HS3ST1: variants seen among roughly 807,000 people sequenced by gnomAD.
HS3ST1 encodes the protein heparan sulfate-glucosamine 3-sulfotransferase 1.
In HS3ST1, 8 loss-of-function variants were observed where a neutral mutation model predicts 20.7. The observed-to-expected ratio is 0.39, with a 90% CI of 0.23 to 0.70. The LOEUF is 0.70. Among genes scored for constraint, HS3ST1 ranks in the 30% least tolerant of loss-of-function variants. The probability of loss-of-function intolerance (pLI) is 0.46; values close to 1 mark genes in which losing one functional copy is unlikely to be tolerated. For synonymous variants in HS3ST1, 205 were observed against 190.4 expected, an observed-to-expected ratio of 1.08 and a Z score of -0.63; for missense variants, 436 against 423.4, an observed-to-expected ratio of 1.03 and a Z score of -0.26.
intron 1 of HS3ST1, among the ~76,000 whole-genome samples, chr4:11,410,965 G>A (rs990897019): frequency 6.6e-6 from 1 of 152,126 alleles, no homozygotes; most frequent in African/African-American, 2.4e-5. Context: ...GAAGCATATA[G>A]TCCTGAACTT....
At chr4:11,405,788 T>C (rs1248435271) in intron 1 of HS3ST1, among the ~76,000 whole-genome samples, 4 of 152,166 alleles carry the variant, frequency 2.6e-5, no homozygotes, top group African/African-American at 4.8e-5. Context: ...AGCAATGAAA[T>C]AACCCTTCAA....
At chr4:11,402,185 TTTCTCAGATATTGTTATC>T (rs1718344453) in intron 1 of HS3ST1, among the ~76,000 whole-genome samples, 1 of 152,236 alleles carries the variant, frequency 6.6e-6, no homozygotes, top group African/African-American at 2.4e-5. Flanking sequence ...CTAATCTACC[TTTCTCAGATATTGTTATC>T]TTCTTTGAAA....
chr4:11,421,287 A>T (rs1172301679), intron 1 of HS3ST1, among the ~76,000 whole-genome samples: 2 of 152,240 alleles, frequency 1.3e-5, no homozygotes, highest in Non-Finnish European at 2.9e-5. Context: ...TTCCAAAGTC[A>T]TGCTCTTTCA....
rs1391724536 is a variant in HS3ST1 at position 11,395,160 on chromosome 4, C to T, written c.*3922G>A. ...ATGCCCTGCTCTGGTGACACTACTG[C>T]CATTCGTGCGTGCCCCAGCTTTATG... On this transcript the variant is annotated 3_prime_UTR_variant, in exon 2 of 2. Coordinates refer to ENST00000002596, the MANE Select transcript of HS3ST1 (RefSeq NM_005114.4). 1 of 152,162 alleles carries T rather than the reference C, an allele frequency of 6.6e-6. No homozygotes were observed. Among genetic ancestry groups the T allele is most frequent in the Non-Finnish European group, 1.5e-5 (1 of 68,040 alleles). 9.4% of individuals were successfully genotyped at this position (152,162 alleles called of 1,614,324 possible).
At chr4:11,413,130 G>A (rs531329459) in intron 1 of HS3ST1, among the ~76,000 whole-genome samples, 4 of 152,296 alleles carry the variant, frequency 2.6e-5, no homozygotes, top group Non-Finnish European at 5.9e-5. Context: ...TTGTTCATAA[G>A]CCATCAGGCC....
intron 1 of HS3ST1, 146 bp from the exon 2 acceptor site, chr4:11,400,259 A>G: frequency 1.6e-6 from 1 of 629,568 alleles, no homozygotes; most frequent in Non-Finnish European, 2.4e-6. Flanking sequence ...GATGGCAAAC[A>G]TTTTCTGCAA....
rs982889552 is a variant in HS3ST1, at chr4:11,393,411, A to G, written c.*5671T>C. The G allele has an allele frequency of 6.6e-6, 1 of 152,208 alleles. No individual in the cohort carries two copies. Among genetic ancestry groups the G allele is most frequent in the Admixed American group, 6.5e-5 (1 of 15,280 alleles). The allele number at this position is 152,208 out of a possible 1,614,324, so 9.4% of individuals were successfully genotyped here. ...ATAGACTCATTCTCTGCTATATCTCATTTAATTGGAAGAATTCTAATAACT... is the reference window on the plus strand; with the variant it reads ...ATAGACTCATTCTCTGCTATATCTCGTTTAATTGGAAGAATTCTAATAACT... On this transcript the variant is annotated 3_prime_UTR_variant, in exon 2 of 2. Transcript: ENST00000002596.
At chr4:11,414,880 CA>C (rs988685766) in intron 1 of HS3ST1, among the ~76,000 whole-genome samples, 1 of 152,108 alleles carries the variant, frequency 6.6e-6, no homozygotes, top group Non-Finnish European at 1.5e-5. Flanking sequence ...GTAAGATTAG[CA>C]AATTCAGACA....
chr4:11,432,575 A>T (rs898855344), upstream of HS3ST1, among the ~76,000 whole-genome samples: 1 of 152,254 alleles, frequency 6.6e-6, no homozygotes, highest in Admixed American at 6.5e-5. Flanking sequence ...ATGAGAGCAG[A>T]TAGGAAATGC....
chr4:11,418,096 CTCTCT>C (rs144228357), intron 1 of HS3ST1, among the ~76,000 whole-genome samples: 214 of 152,318 alleles, frequency 1.4e-3, no homozygotes, highest in African/African-American at 4.7e-3. Context: ...AAGAGAGCCC[CTCTCT>C]TCTCAGCCCC....
intron 1 of HS3ST1, among the ~76,000 whole-genome samples, chr4:11,409,437 T>TG (rs35987774): frequency 0.26 from 39,936 of 151,842 alleles, 5,394 homozygotes; most frequent in South Asian, 0.31. Context: ...GTTGTAAGGG[T>TG]GGGGCTCCAT....
At position 11,399,834 on chromosome 4, in the gene HS3ST1, T is replaced by C. The variant is rs1479491771; in HGVS notation, c.172A>G (p.Ile58Val). ...NGSAQQLPQT[I>V]IIGVRKGGTR... Reference sequence around the variant, plus strand: ...CCGCCCTTGCGCACGCCGATGATGATGGTCTGCGGCAACTGCTGGGCAGAG... The same window carrying C: ...CCGCCCTTGCGCACGCCGATGATGACGGTCTGCGGCAACTGCTGGGCAGAG... Residue 58 changes from isoleucine (I) to valine (V), a missense_variant, in exon 2 of 2, where the codon ATC (isoleucine) becomes GTC (valine). By Grantham distance (29) the Ile-to-Val change is conservative. Coordinates refer to ENST00000002596, the MANE Select transcript of HS3ST1 (RefSeq NM_005114.4). The surrounding 1 kb of genome is among the most constrained non-coding windows in gnomAD (Gnocchi z 5.1). 1 of 1,612,916 alleles carries C rather than the reference T, an allele frequency of 6.2e-7. No homozygotes were observed. The highest frequency in any genetic ancestry group is 1.7e-5 in the Admixed American group (1 of 59,998).
intron 1 of HS3ST1, among the ~76,000 whole-genome samples, chr4:11,427,950 C>T (rs1719103649): frequency 6.6e-6 from 1 of 152,182 alleles, no homozygotes; most frequent in Non-Finnish European, 1.5e-5. Flanking sequence ...TCAAGCTCCG[C>T]GAATAAGACC....
At chr4:11,419,107 T>C (rs1320601280) in intron 1 of HS3ST1, among the ~76,000 whole-genome samples, 1 of 151,526 alleles carries the variant, frequency 6.6e-6, no homozygotes. Context: ...TTTTTTCTGC[T>C]TGTCATGATT....
rs183663781 is a variant in HS3ST1 at position 11,399,846 on chromosome 4, A to C, written c.160T>G (p.Leu54Val). Reference sequence around the variant, plus strand: ...ACGCCGATGATGATGGTCTGCGGCAACTGCTGGGCAGAGCCGTTTGGGGCC... The same window carrying C: ...ACGCCGATGATGATGGTCTGCGGCACCTGCTGGGCAGAGCCGTTTGGGGCC... ...GVAPNGSAQQLPQTIIIGVRK... is the reference protein window; with the variant it reads ...GVAPNGSAQQVPQTIIIGVRK... Residue 54 changes from leucine to valine, a missense_variant, in exon 2 of 2, where the codon TTG becomes GTG. Physicochemically the swap from Leu to Val is conservative, Grantham distance 32 (BLOSUM62 1). Coordinates refer to ENST00000002596, the MANE Select transcript of HS3ST1 (RefSeq NM_005114.4). This position sits in a 1 kb window ranked among gnomAD's most constrained non-coding sequence, Gnocchi z 5.1. 6 of 1,612,840 alleles carry C rather than the reference A, an allele frequency of 3.7e-6. No homozygotes were observed. Among genetic ancestry groups the C allele is most frequent in the East Asian group, 4.5e-5 (2 of 44,864 alleles).
At chr4:11,400,910 C>T (rs1718306998) in intron 1 of HS3ST1, among the ~76,000 whole-genome samples, 3 of 152,196 alleles carry the variant, frequency 2.0e-5, no homozygotes, top group African/African-American at 7.2e-5. Flanking sequence ...GAAGAATATG[C>T]CCTGGCTAGC....
intron 1 of HS3ST1, among the ~76,000 whole-genome samples, chr4:11,406,572 G>T (rs1718470669): frequency 6.6e-6 from 1 of 152,150 alleles, no homozygotes; most frequent in Admixed American, 6.5e-5. Flanking sequence ...ACCTCCTCAA[G>T]GTCACAGAAC....
intron 1 of HS3ST1, among the ~76,000 whole-genome samples, chr4:11,427,098 CT>C (rs967208615): frequency 6.6e-6 from 1 of 151,510 alleles, no homozygotes; most frequent in Non-Finnish European, 1.5e-5. Context: ...TTTCTCCCTC[CT>C]TTTTTTTTCT....
chr4:11,399,015 T>G lies in HS3ST1; in HGVS notation c.*67A>C. On this transcript the variant is annotated 3_prime_UTR_variant, in exon 2 of 2. Transcript: ENST00000002596. The surrounding 1 kb of genome is among the most constrained non-coding windows in gnomAD (Gnocchi z 5.1). ...TATACCTTAAATGCTTTTTTAAAAT[T>G]CTTTTTCCCCTCAGATGTACACCAG... The G allele has an allele frequency of 1.5e-6, 2 of 1,362,860 alleles. No homozygotes were observed. The highest frequency in any genetic ancestry group is 2.0e-6 in the Non-Finnish European group (2 of 995,794). The allele number at this position is 1,362,860 out of a possible 1,614,324, so 84.4% of individuals were successfully genotyped here. A position where few individuals can be genotyped will look rare whatever the true frequency, so the allele number is the denominator to read the frequency against.
Sources: allele counts gnomAD v4.1 joint callset (sites outside exome capture counted in the v4.1 genomes callset), GRCh38; gene constraint gnomAD v4.1.1; non-coding constraint Gnocchi (gnomAD v3.1); transcripts MANE v1.5; gene names NCBI Gene and HGNC (gene_info 2026-07-23, HGNC 2026-07-21).